MARK2: variants seen among roughly 807,000 people sequenced by gnomAD.
MARK2 encodes microtubule affinity regulating kinase 2, also known as serine/threonine-protein kinase MARK2.
In MARK2, 16 loss-of-function variants were observed where a neutral mutation model predicts 89.8. That is an observed-to-expected ratio of 0.18 (90% CI 0.12 to 0.27). The LOEUF (loss-of-function observed/expected upper bound fraction) is 0.27. Ranked by LOEUF, MARK2 falls within the 10% of genes least tolerant of loss-of-function variation. The pLI is 1.00. For synonymous variants in MARK2, 382 were observed against 399.5 expected (o/e 0.96, Z 0.52); for missense variants, 621 against 1,049.9 (o/e 0.59, Z 5.65).
intron 1 of MARK2, among the ~76,000 whole-genome samples, chr11:63,877,943 T>C (rs1938863647): frequency 6.6e-6 from 1 of 152,164 alleles, no homozygotes. Flanking sequence ...TGCTGACAAA[T>C]GAATCCTCCA....
intron 1 of MARK2, among the ~76,000 whole-genome samples, chr11:63,844,547 A>G (rs1179798741): frequency 2.0e-5 from 3 of 152,228 alleles, no homozygotes; most frequent in East Asian, 1.9e-4. Context: ...AGATGGATAT[A>G]AGACAGTTGT....
At position 63,856,337 on chromosome 11, in the gene MARK2, TA is replaced by T. The variant is rs773401360; in HGVS notation, c.54+16780del. Among the ~76,000 whole-genome samples, 38 of 55,098 alleles carry T rather than the reference TA, an allele frequency of 6.9e-4. No homozygotes were observed. In the East Asian group the frequency reaches 9.8e-3, roughly 14 times the overall value. The allele number at this position is 55,098 out of a possible 152,430, so 36.1% of individuals were successfully genotyped here. ...TTTTTTTTTGTTTTTTTTTTTTTTT[TA>T]AATATATGGCTTGTTTATTCTTTTT... On this transcript the variant is annotated intron_variant, in intron 1 of 18. Coordinates refer to ENST00000402010, the MANE Select transcript of MARK2 (RefSeq NM_001039469.3).
chr11:63,901,094 T>G, intron 11 of MARK2, 25 bp downstream of exon 11: 6 of 1,487,758 alleles, frequency 4.0e-6, no homozygotes, highest in Non-Finnish European at 5.6e-6. Flanking sequence ...CCCCATTCTC[T>G]GACCTGGCCA....
chr11:63,844,685 G>A (rs975910839), intron 1 of MARK2, among the ~76,000 whole-genome samples: 1 of 152,190 alleles, frequency 6.6e-6, no homozygotes, highest in African/African-American at 2.4e-5. Flanking sequence ...GTGCCTATGA[G>A]GTAGGAAAAG....
intron 1 of MARK2, among the ~76,000 whole-genome samples, chr11:63,844,364 G>T (rs554950457): frequency 6.6e-6 from 1 of 152,288 alleles, no homozygotes; most frequent in Admixed American, 6.5e-5. Context: ...CATGCCTGTG[G>T]TTGCAGCTAC....
chr11:63,883,594 C>CT (rs1939228475), intron 1 of MARK2, among the ~76,000 whole-genome samples: 1 of 150,150 alleles, frequency 6.7e-6, no homozygotes, highest in Admixed American at 6.6e-5. Flanking sequence ...TTTTTTTTTC[C>CT]TTTGAGACAG....
At chr11:63,879,322 A>T (rs1938956881) in intron 1 of MARK2, among the ~76,000 whole-genome samples, 2 of 152,092 alleles carry the variant, frequency 1.3e-5, no homozygotes, top group Non-Finnish European at 2.9e-5. Flanking sequence ...AAAAACATTT[A>T]AAAAATCACA....
chr11:63,894,661 A>C (rs1375935716), intron 1 of MARK2, among the ~76,000 whole-genome samples: 3 of 152,216 alleles, frequency 2.0e-5, no homozygotes, highest in Admixed American at 2.0e-4. Flanking sequence ...GCACCATTGC[A>C]CTCCAGCCTG....
Position 63,900,191 on chromosome 11 carries a change from C to T in MARK2, c.768+81C>T. The T allele has an allele frequency of 9.3e-7, 1 of 1,079,632 alleles. No homozygotes were observed. Among genetic ancestry groups the T allele is most frequent in the South Asian group, 1.3e-5 (1 of 74,258 alleles). The allele number at this position is 1,079,632 out of a possible 1,614,324, so 66.9% of individuals were successfully genotyped here. On this transcript the variant is annotated intron_variant, in intron 8 of 18. Transcript: ENST00000402010. The surrounding 1 kb of genome is among the most constrained non-coding windows in gnomAD (Gnocchi z 4.7). Reference sequence around the variant, plus strand: ...TAGCCCTGACCTCCTGCCTTTGCCACCTGTCTACATTTGTCCCAAGCCAAA... The same window carrying T: ...TAGCCCTGACCTCCTGCCTTTGCCATCTGTCTACATTTGTCCCAAGCCAAA...
At chr11:63,871,348 C>T (rs371733814) in intron 1 of MARK2, among the ~76,000 whole-genome samples, 266 of 98,990 alleles carry the variant, frequency 2.7e-3, no homozygotes, top group Middle Eastern at 0.022. Context: ...GAGTATTCAC[C>T]GTGTGCAGGT....
rs1251527248 is a variant in MARK2 at position 63,904,048 on chromosome 11, G to A, written c.1577G>A (p.Arg526Gln). ...ASASAAVSAA[R>Q]PRQHQKSMSA... is the part of the protein sequence containing the mutation. ...GCTTCTGCCGCAGTCTCTGCGGCCCGGCCCCGCCAGCACCAGAAATCCATG... is the reference window on the plus strand; with the variant it reads ...GCTTCTGCCGCAGTCTCTGCGGCCCAGCCCCGCCAGCACCAGAAATCCATG... Residue 526 changes from arginine to glutamine, a missense_variant, in exon 15 of 19, where the codon CGG becomes CAG. By Grantham distance (43) the Arg-to-Gln change is conservative. Around this residue, in one of 5 missense-constraint regions of MARK2, gnomAD observed 397 missense variants for 567.8 expected, o/e 0.70. Coordinates refer to ENST00000402010, the MANE Select transcript of MARK2 (RefSeq NM_001039469.3). This position sits in a 1 kb window ranked among gnomAD's most constrained non-coding sequence, Gnocchi z 6.3. 16 of 1,607,516 alleles carry A rather than the reference G, an allele frequency of 1.0e-5. No individual in the cohort carries two copies. The highest frequency in any genetic ancestry group is 1.7e-4 in the Middle Eastern group (1 of 6,050).
At chr11:63,882,047 G>A (rs920701599) in intron 1 of MARK2, among the ~76,000 whole-genome samples, 1 of 152,166 alleles carries the variant, frequency 6.6e-6, no homozygotes, top group Non-Finnish European at 1.5e-5. Context: ...CCGCTAAGAC[G>A]GTGTCTGGAT....
At chr11:63,868,461 G>C (rs982629538) in intron 1 of MARK2, 3 of 237,694 alleles carry the variant, frequency 1.3e-5, no homozygotes, top group Non-Finnish European at 2.6e-5. Flanking sequence ...TAAGTCACAA[G>C]TCTTAACCAG....
Position 63,909,360 on chromosome 11 carries a change from C to T in MARK2, c.*123C>T. On this transcript the variant is annotated 3_prime_UTR_variant, in exon 19 of 19. Coordinates refer to ENST00000402010, the MANE Select transcript of MARK2 (RefSeq NM_001039469.3). ...TGTGTCTCCCCTGCTGGCACTTCTC[C>T]CCTCCCTGGCCCTTCTCAGTTTTCT... The T allele has an allele frequency of 3.0e-6, 3 of 994,868 alleles. No individual in the cohort carries two copies. The highest frequency in any genetic ancestry group is 4.2e-6 in the Non-Finnish European group (3 of 711,800). 61.6% of individuals were successfully genotyped at this position (994,868 alleles called of 1,614,324 possible).
In MARK2 at chr11:63,903,249, A is replaced by C; in HGVS notation, c.1514+91A>C. 1.0e-6 allele frequency: 1 copy of C among 986,408 alleles called. No homozygotes were observed. Among genetic ancestry groups the C allele is most frequent in the South Asian group, 1.3e-5 (1 of 76,432 alleles). 61.1% of individuals were successfully genotyped at this position (986,408 alleles called of 1,614,324 possible). A position where few individuals can be genotyped will look rare whatever the true frequency, so the allele number is the denominator to read the frequency against. ...AGCAGCACCGTCTCCTGTCCCTGCC[A>C]GCGCATTGCTCCCTGCTCCCTGGAG... On this transcript the variant is annotated intron_variant, in intron 14 of 18. Transcript: ENST00000402010. This position sits in a 1 kb window ranked among gnomAD's most constrained non-coding sequence, Gnocchi z 5.1.
rs556916378 is a variant in MARK2, at chr11:63,867,030, G to A, written c.54+27470G>A. Among the ~76,000 whole-genome samples the A allele has an allele frequency of 3.3e-5, 5 of 152,254 alleles. No individual in the cohort carries two copies. The East Asian group carries it at 9.6e-4, about 29-fold the overall frequency. ...TAGCCTGATGGATAAGGGTACAGTT[G>A]TTTGTTTATTTATTGAGACAGGGTC... is the stretch of plus-strand genomic sequence containing the variant. On this transcript the variant is annotated intron_variant, in intron 1 of 18. Transcript: ENST00000402010.
At position 63,856,332 on chromosome 11, in the gene MARK2, T is replaced by G. The variant is rs537010933; in HGVS notation, c.54+16772T>G. On this transcript the variant is annotated intron_variant, in intron 1 of 18. Coordinates refer to ENST00000402010, the MANE Select transcript of MARK2 (RefSeq NM_001039469.3). ...GGTTTTTTTTTTTTGTTTTTTTTTTTTTTTTAAATATATGGCTTGTTTATT... is the reference window on the plus strand; with the variant it reads ...GGTTTTTTTTTTTTGTTTTTTTTTTGTTTTTAAATATATGGCTTGTTTATT... 6.6e-4 allele frequency among the ~76,000 whole-genome samples: 99 copies of G among 149,288 alleles called. 3 individuals are homozygous for G. The highest frequency in any genetic ancestry group is 2.7e-3 in the Admixed American group (40 of 14,760).
intron 7 of MARK2, 76 bp downstream of exon 7, chr11:63,899,184 T>G: frequency 1.1e-6 from 1 of 876,664 alleles, no homozygotes; most frequent in South Asian, 1.3e-5. Flanking sequence ...GATAAAACCA[T>G]CAATAACCAT....
chr11:63,849,262 C>T (rs541643210), intron 1 of MARK2, among the ~76,000 whole-genome samples: 19 of 152,224 alleles, frequency 1.2e-4, no homozygotes, highest in Non-Finnish European at 2.5e-4. Flanking sequence ...TGAAGCCACT[C>T]GGAGATTGTT....
Sources: allele counts gnomAD v4.1 joint callset (sites outside exome capture counted in the v4.1 genomes callset), GRCh38; gene constraint gnomAD v4.1.1; regional missense constraint gnomAD v4.1.1; non-coding constraint Gnocchi (gnomAD v3.1); transcripts MANE v1.5; gene names NCBI Gene and HGNC (gene_info 2026-07-23, HGNC 2026-07-21).